Variants in UNC5D observed in about 807,000 individuals in gnomAD.
The protein encoded by UNC5D is netrin receptor UNC5D.
UNC5D carries 39 observed loss-of-function variants against 105.4 expected under a neutral mutation model. That is an observed-to-expected ratio of 0.37 (90% CI 0.29 to 0.48). The LOEUF (loss-of-function observed/expected upper bound fraction) is 0.48. UNC5D is among the 20% of genes least tolerant of loss of function. The pLI is 0.98. For missense variants in UNC5D, 991 were observed against 1,202.4 expected (o/e 0.82, Z 2.60); for synonymous variants, 452 against 450.4 (o/e 1.00, Z -0.04).
chr8:35,792,935 C>G lies in UNC5D; in HGVS notation c.*2372C>G, dbSNP rs1357568847. 2.3e-6 allele frequency: 1 copy of G among 434,700 alleles called. No homozygotes were observed. The highest frequency in any genetic ancestry group is 2.1e-5 in the African/African-American group (1 of 48,660). The allele number at this position is 434,700 out of a possible 1,614,324, so 26.9% of individuals were successfully genotyped here. A position where few individuals can be genotyped will look rare whatever the true frequency, so the allele number is the denominator to read the frequency against. On this transcript the variant is annotated 3_prime_UTR_variant, in exon 17 of 17. Transcript: ENST00000404895. ...TTTTAAGATGAGACAAGATTATTGTCAATCCCTGAATGTCTGGAGTTACCT... is the reference window on the plus strand; with the variant it reads ...TTTTAAGATGAGACAAGATTATTGTGAATCCCTGAATGTCTGGAGTTACCT...
At chr8:35,470,463 GA>G (rs927182683) in intron 1 of UNC5D, among the ~76,000 whole-genome samples, 1 of 151,860 alleles carries the variant, frequency 6.6e-6, no homozygotes, top group Admixed American at 6.6e-5. Flanking sequence ...TTAGTGCAAA[GA>G]ATGAGCATAG....
intron 1 of UNC5D, among the ~76,000 whole-genome samples, chr8:35,340,700 A>G (rs1320343117): frequency 2.0e-5 from 3 of 152,166 alleles, no homozygotes; most frequent in Admixed American, 1.3e-4. Flanking sequence ...TGTGCAAAGC[A>G]TGGTGAACAA....
chr8:35,239,474 G>A (rs1382331141), intron 1 of UNC5D, among the ~76,000 whole-genome samples: 2 of 146,452 alleles, frequency 1.4e-5, no homozygotes, highest in South Asian at 2.2e-4. Flanking sequence ...GATACTGCAT[G>A]TTTGATATCC....
At chr8:35,295,430 GA>G (rs1408049581) in intron 1 of UNC5D, among the ~76,000 whole-genome samples, 1 of 151,914 alleles carries the variant, frequency 6.6e-6, no homozygotes, top group East Asian at 1.9e-4. Flanking sequence ...CATATTTTTT[GA>G]AAAACATCTG....
intron 4 of UNC5D, among the ~76,000 whole-genome samples, chr8:35,667,325 A>C (rs1824488985): frequency 6.6e-6 from 1 of 152,156 alleles, no homozygotes; most frequent in Non-Finnish European, 1.5e-5. Flanking sequence ...TGTTAGATTA[A>C]ACTCTTACTA....
At chr8:35,389,030 A>T (rs1430476122) in intron 1 of UNC5D, among the ~76,000 whole-genome samples, 1 of 152,190 alleles carries the variant, frequency 6.6e-6, no homozygotes, top group Non-Finnish European at 1.5e-5. Flanking sequence ...TTCAGAATTG[A>T]CAAGTGAACT....
At chr8:35,602,317 T>C (rs1819944690) in intron 4 of UNC5D, among the ~76,000 whole-genome samples, 1 of 152,202 alleles carries the variant, frequency 6.6e-6, no homozygotes, top group South Asian at 2.1e-4. Context: ...CCTCATAAAA[T>C]GAGTTAGTGA....
chr8:35,336,763 A>G, intron 1 of UNC5D, among the ~76,000 whole-genome samples: 1 of 151,756 alleles, frequency 6.6e-6, no homozygotes, highest in East Asian at 2.0e-4. Context: ...TTTCAAACAC[A>G]AAGCCCAGAT....
chr8:35,538,398 TATATATATATATATATA>T (rs1815008214), intron 1 of UNC5D, among the ~76,000 whole-genome samples: 2 of 19,150 alleles, frequency 1.0e-4, no homozygotes, highest in African/African-American at 2.9e-4. Flanking sequence ...AAAATAATTA[TATATATATATATATATA>T]TATATATATA....
At chr8:35,710,256 G>A (rs1827857105) in intron 8 of UNC5D, among the ~76,000 whole-genome samples, 1 of 152,208 alleles carries the variant, frequency 6.6e-6, no homozygotes, top group Middle Eastern at 3.2e-3. Flanking sequence ...TATTCTGGAT[G>A]TCTTTTGATG....
chr8:35,769,704 C>A (rs1179142027), intron 15 of UNC5D, among the ~76,000 whole-genome samples: 2 of 152,228 alleles, frequency 1.3e-5, no homozygotes, highest in Admixed American at 1.3e-4. Context: ...GTGGCTGATG[C>A]CTGTAATCCC....
At chr8:35,305,629 TTC>T (rs1341082408) in intron 1 of UNC5D, among the ~76,000 whole-genome samples, 2 of 129,432 alleles carry the variant, frequency 1.5e-5, no homozygotes, top group African/African-American at 5.9e-5. Flanking sequence ...TTCTTTTTCT[TTC>T]TCTCTCTCTC....
At position 35,315,195 on chromosome 8, in the gene UNC5D, A is replaced by G. The variant is rs193030360; in HGVS notation, c.103+79308A>G. Among the ~76,000 whole-genome samples the G allele has an allele frequency of 2.7e-3, 405 of 152,266 alleles. 2 individuals are homozygous for G. Among genetic ancestry groups the G allele is most frequent in the African/African-American group, 9.4e-3 (389 of 41,534 alleles). ...TACATATATTAACTCATTCAATTGTATTATATCTGTTGGCTTTTTCTGCAT... is the reference window on the plus strand; with the variant it reads ...TACATATATTAACTCATTCAATTGTGTTATATCTGTTGGCTTTTTCTGCAT... On this transcript the variant is annotated intron_variant, in intron 1 of 16. Coordinates refer to ENST00000404895, the MANE Select transcript of UNC5D (RefSeq NM_080872.4).
chr8:35,709,377 G>T (rs1341154241), intron 8 of UNC5D, among the ~76,000 whole-genome samples: 1 of 152,142 alleles, frequency 6.6e-6, no homozygotes, highest in African/African-American at 2.4e-5. Context: ...TTGATGTAAA[G>T]TGTTCAGGGG....
intron 4 of UNC5D, among the ~76,000 whole-genome samples, chr8:35,600,927 T>G (rs1819833085): frequency 6.6e-6 from 1 of 152,112 alleles, no homozygotes; most frequent in African/African-American, 2.4e-5. Context: ...GTTTTTATGG[T>G]TTTAGGTCTA....
intron 1 of UNC5D, among the ~76,000 whole-genome samples, chr8:35,294,013 A>G (rs146774198): frequency 6.6e-6 from 1 of 152,330 alleles, no homozygotes; most frequent in African/African-American, 2.4e-5. Flanking sequence ...ACAGTCTCTT[A>G]CTGGCAGGGT....
chr8:35,698,161 T>C (rs376441957), intron 7 of UNC5D, among the ~76,000 whole-genome samples: 7 of 152,252 alleles, frequency 4.6e-5, no homozygotes, highest in African/African-American at 1.7e-4. Context: ...CACAGCTTGA[T>C]GATTTGATAT....
At chr8:35,257,139 T>A (rs1211626339) in intron 1 of UNC5D, among the ~76,000 whole-genome samples, 4 of 151,968 alleles carry the variant, frequency 2.6e-5, no homozygotes, top group African/African-American at 2.4e-5. Context: ...GCCCAGCTAA[T>A]TTTTTTATTT....
At chr8:35,639,282 C>T (rs1289038898) in intron 4 of UNC5D, among the ~76,000 whole-genome samples, 2 of 152,216 alleles carry the variant, frequency 1.3e-5, no homozygotes, top group African/African-American at 4.8e-5. Flanking sequence ...GAAGGTGGAA[C>T]TGACAGGTTG....
Sources: gnomAD v4.1 joint callset for allele counts (sites outside exome capture counted in the v4.1 genomes callset) on GRCh38, gnomAD v4.1.1 for gene constraint, MANE v1.5 for transcripts, NCBI Gene and HGNC (gene_info 2026-07-23, HGNC 2026-07-21) for gene names.